The following SLIT3 variants were observed in gnomAD, a reference collection of about 807,000 sequenced individuals.
SLIT3 encodes the protein slit guidance ligand 3.
In SLIT3, 68 loss-of-function variants were observed where a neutral mutation model predicts 184.0. That is an observed-to-expected ratio of 0.37 (90% confidence interval 0.30 to 0.45). The LOEUF (loss-of-function observed/expected upper bound fraction) is 0.45, where lower values mean the gene tolerates loss of function less well. Ranked by LOEUF, SLIT3 falls within the 20% of genes least tolerant of loss-of-function variation. The pLI is 1.00. For missense variants in SLIT3, 1,707 were observed against 2,026.0 expected (o/e 0.84, Z 3.02); for synonymous variants, 831 against 828.6 (o/e 1.00, Z -0.05).
rs150222281 is a variant in SLIT3 at position 168,974,833 on chromosome 5, G to T, written c.414-91497C>A. ...TCCCATGCATCTGATCCCAACTGCT[G>T]CAGGGGGTTCAGGAAATCCCCAGAG... On this transcript the variant is annotated intron_variant, in intron 4 of 35. Transcript: ENST00000519560. Among the ~76,000 whole-genome samples the T allele has an allele frequency of 2.0e-3, 303 of 152,316 alleles. 1 individual carries two copies. The highest frequency in any genetic ancestry group is 3.6e-3 in the Admixed American group (55 of 15,302).
At position 168,673,274 on chromosome 5, in the gene SLIT3, C is replaced by T; in HGVS notation, c.3744G>A (p.Gln1248=). 6.2e-7 allele frequency: 1 copy of T among 1,614,094 alleles called. No homozygotes were observed. Among genetic ancestry groups the T allele is most frequent in the Non-Finnish European group, 8.5e-7 (1 of 1,180,012 alleles). Residue 1248 remains glutamine, a synonymous_variant, in exon 33 of 36, where the codon CAG becomes CAA. Coordinates refer to ENST00000519560, the MANE Select transcript of SLIT3 (RefSeq NM_003062.4). ...CTTTGTCCACTACTAGGTTCAGGGT[C>T]TGGTTTAGCGTCACCAGCTCCACAC... ...FHSVELVTLN[Q]TLNLVVDKGT...
At chr5:168,840,824 T>C (rs1407586515) in intron 6 of SLIT3, among the ~76,000 whole-genome samples, 3 of 152,136 alleles carry the variant, frequency 2.0e-5, no homozygotes, top group African/African-American at 7.2e-5. Flanking sequence ...TTCTAGAAAG[T>C]AGAGCCCCCA....
At chr5:169,107,115 A>G (rs1760240359) in intron 4 of SLIT3, among the ~76,000 whole-genome samples, 1 of 152,170 alleles carries the variant, frequency 6.6e-6, no homozygotes, top group African/African-American at 2.4e-5. Flanking sequence ...ATTAACACTG[A>G]GCAGGCTCCA....
At chr5:168,972,333 C>A (rs899916209) in intron 4 of SLIT3, among the ~76,000 whole-genome samples, 2 of 42,582 alleles carry the variant, frequency 4.7e-5, no homozygotes, top group African/African-American at 4.4e-4. Flanking sequence ...AGCTGCAGGA[C>A]AACATGTGTG....
intron 4 of SLIT3, among the ~76,000 whole-genome samples, chr5:168,944,278 G>C (rs1014230879): frequency 6.6e-6 from 1 of 151,878 alleles, no homozygotes; most frequent in Admixed American, 6.6e-5. Flanking sequence ...GCTGTGTCTT[G>C]TGGGGCAGGG....
intron 12 of SLIT3, among the ~76,000 whole-genome samples, chr5:168,783,120 G>C (rs1409231240): frequency 2.0e-5 from 3 of 152,178 alleles, no homozygotes; most frequent in Non-Finnish European, 4.4e-5. Flanking sequence ...AGCCAGGTAG[G>C]AGGCTGTGCT....
intron 2 of SLIT3, among the ~76,000 whole-genome samples, chr5:169,246,402 T>C (rs10038332): frequency 0.51 from 77,508 of 151,996 alleles, 21,188 homozygotes; most frequent in East Asian, 0.78. Context: ...AGGGTGGGCC[T>C]TCTAACTCCC....
intron 3 of SLIT3, among the ~76,000 whole-genome samples, chr5:169,242,812 C>A (rs1448500951): frequency 1.3e-5 from 2 of 152,160 alleles, no homozygotes; most frequent in Non-Finnish European, 2.9e-5. Context: ...ATTCACTTCC[C>A]CAGACATGCA....
chr5:168,973,950 T>G (rs765082087), intron 4 of SLIT3, among the ~76,000 whole-genome samples: 1 of 152,224 alleles, frequency 6.6e-6, no homozygotes, highest in Non-Finnish European at 1.5e-5. Context: ...TTGGATTCCT[T>G]GCTAATGGAG....
chr5:169,213,741 G>A (rs1026104862), intron 3 of SLIT3, among the ~76,000 whole-genome samples: 1 of 152,194 alleles, frequency 6.6e-6, no homozygotes. Context: ...TAAATTCCAT[G>A]TGGGTAAAAA....
At chr5:168,865,588 G>T (rs1383703877) in intron 5 of SLIT3, among the ~76,000 whole-genome samples, 1 of 152,206 alleles carries the variant, frequency 6.6e-6, no homozygotes. Context: ...GCATGGGAGA[G>T]AGGACTGGCT....
chr5:169,163,137 A>G lies in SLIT3; in HGVS notation c.413+30342T>C, dbSNP rs1762531210. ...GGTGTTCGAGACCAGCCCGGCCAAC[A>G]TAGTGAAACCCCGCCTCTACTAAAA... On this transcript the variant is annotated intron_variant, in intron 4 of 35. Coordinates refer to ENST00000519560, the MANE Select transcript of SLIT3 (RefSeq NM_003062.4). Among the ~76,000 whole-genome samples the G allele has an allele frequency of 2.0e-5, 3 of 152,054 alleles. 1 individual carries two copies. In the South Asian group the frequency reaches 6.2e-4, roughly 32 times the overall value.
intron 33 of SLIT3, among the ~76,000 whole-genome samples, chr5:168,672,496 G>C (rs1253279386): frequency 6.6e-6 from 1 of 152,126 alleles, no homozygotes; most frequent in Admixed American, 6.5e-5. Context: ...TTGTTTTAAA[G>C]ACAAGGTCTC....
chr5:169,157,156 T>C (rs1467338010), intron 4 of SLIT3, among the ~76,000 whole-genome samples: 1 of 151,950 alleles, frequency 6.6e-6, no homozygotes, highest in Non-Finnish European at 1.5e-5. Context: ...CTTTGCTGAG[T>C]AGTGATGAAG....
At chr5:168,893,971 C>A (rs933558135) in intron 4 of SLIT3, among the ~76,000 whole-genome samples, 5 of 152,116 alleles carry the variant, frequency 3.3e-5, no homozygotes, top group Admixed American at 6.5e-5. Flanking sequence ...TCTCAGTTAC[C>A]ACTTGGGCCC....
intron 4 of SLIT3, among the ~76,000 whole-genome samples, chr5:168,936,553 C>T (rs943108068): frequency 6.6e-5 from 10 of 152,188 alleles, no homozygotes; most frequent in South Asian, 6.2e-4. Context: ...TTAGAGCAAG[C>T]GGCCAGTGAG....
intron 5 of SLIT3, among the ~76,000 whole-genome samples, chr5:168,875,446 A>G (rs1220857423): frequency 1.3e-5 from 2 of 152,110 alleles, no homozygotes; most frequent in East Asian, 3.9e-4. Context: ...AGGCTGGTCA[A>G]CATGGTGTAA....
rs754766077 is a variant in SLIT3 at position 168,748,394 on chromosome 5, C to G, written c.2178G>C (p.Pro726=). The G allele has an allele frequency of 2.1e-5, 32 of 1,520,882 alleles. No individual in the cohort carries two copies. The highest frequency in any genetic ancestry group is 2.8e-5 in the Non-Finnish European group (32 of 1,146,156). 94.2% of individuals were successfully genotyped at this position (1,520,882 alleles called of 1,614,324 possible). The change falls in exon 20 of 36, where the codon CCG becomes CCC. Residue 726 remains proline (P), a synonymous_variant. Coordinates refer to ENST00000519560, the MANE Select transcript of SLIT3 (RefSeq NM_003062.4). ...CTGTCTCCATACAGGTGCACTGCTC[C>G]GGGCAGCGCGGGCTCAGCTGGCAGC... ...ESSCQLSPRC[P]EQCTCMETVV... is the part of the protein sequence containing the mutation.
intron 3 of SLIT3, among the ~76,000 whole-genome samples, chr5:169,218,268 A>G (rs948277733): frequency 6.6e-6 from 1 of 152,216 alleles, no homozygotes; most frequent in African/African-American, 2.4e-5. Context: ...CACCTTCGCC[A>G]TGAATTGGTA....
Sources: gnomAD v4.1 joint callset for allele counts (sites outside exome capture counted in the v4.1 genomes callset) on GRCh38, gnomAD v4.1.1 for gene constraint, MANE v1.5 for transcripts, NCBI Gene and HGNC (gene_info 2026-07-23, HGNC 2026-07-21) for gene names.